The following SNX10 variants were observed in gnomAD, a reference collection of about 807,000 sequenced individuals.
SNX10 encodes the protein sorting nexin-10.
SNX10 carries 25 observed loss-of-function variants against 28.5 expected under a neutral mutation model. The ratio of observed to expected loss-of-function variants is 0.88; its 90% CI spans 0.64 to 1.22. The LOEUF (loss-of-function observed/expected upper bound fraction) is 1.22, where lower values mean the gene tolerates loss of function less well. Among genes scored for constraint, SNX10 ranks in the 50% most tolerant of loss-of-function variants. The probability of loss-of-function intolerance (pLI) is 0.00; values close to 1 mark genes in which losing one functional copy is unlikely to be tolerated. For missense variants in SNX10, 223 were observed against 242.6 expected (o/e 0.92, Z 0.54); for synonymous variants, 62 against 81.4 (o/e 0.76, Z 1.28).
intron 5 of SNX10, among the ~76,000 whole-genome samples, chr7:26,365,753 G>A (rs1789263603): frequency 6.6e-6 from 1 of 152,130 alleles, no homozygotes; most frequent in Non-Finnish European, 1.5e-5. Flanking sequence ...CTGGAATGCT[G>A]GAATACCCAG....
chr7:26,351,715 G>GCTGGA (rs1423658159), intron 2 of SNX10, among the ~76,000 whole-genome samples: 9 of 141,988 alleles, frequency 6.3e-5, no homozygotes. Flanking sequence ...GGAGTGCAGT[G>GCTGGA]GTGCGATCTC....
intron 1 of SNX10, among the ~76,000 whole-genome samples, chr7:26,316,269 A>G (rs1322256746): frequency 1.3e-5 from 2 of 152,074 alleles, no homozygotes; most frequent in Non-Finnish European, 2.9e-5. Flanking sequence ...TTCTTGGTCT[A>G]GCTTAATTAG....
At chr7:26,335,735 CTTTTTT>C (rs57340085) in intron 1 of SNX10, among the ~76,000 whole-genome samples, 23 of 84,274 alleles carry the variant, frequency 2.7e-4, no homozygotes, top group African/African-American at 6.0e-4. Context: ...ATGGAATATT[CTTTTTT>C]TTTTTTTTTT....
intron 1 of SNX10, among the ~76,000 whole-genome samples, chr7:26,315,264 A>G (rs1338306381): frequency 6.6e-6 from 1 of 152,230 alleles, no homozygotes; most frequent in Non-Finnish European, 1.5e-5. Context: ...CTAGATAACT[A>G]TAATGCCATT....
rs57340085 is a variant in SNX10, at chr7:26,335,735, CTT to C, written c.-23-10660_-23-10659del. 2.9e-3 allele frequency among the ~76,000 whole-genome samples: 245 copies of C among 84,216 alleles called. 1 individual carries two copies. Among genetic ancestry groups the C allele is most frequent in the African/African-American group, 9.1e-3 (198 of 21,754 alleles). 55.2% of individuals were successfully genotyped at this position (84,216 alleles called of 152,430 possible). A position where few individuals can be genotyped will look rare whatever the true frequency, so the allele number is the denominator to read the frequency against. On this transcript the variant is annotated intron_variant, in intron 1 of 6. Coordinates refer to ENST00000338523, the MANE Select transcript of SNX10 (RefSeq NM_013322.3). Reference sequence around the variant, plus strand: ...AAAATAACCTCGCAGATGGAATATTCTTTTTTTTTTTTTTTTTTTTTTTTTTG... The same window carrying C: ...AAAATAACCTCGCAGATGGAATATTCTTTTTTTTTTTTTTTTTTTTTTTTG...
At chr7:26,326,051 G>A (rs1203137486) in intron 1 of SNX10, among the ~76,000 whole-genome samples, 2 of 152,098 alleles carry the variant, frequency 1.3e-5, no homozygotes, top group Admixed American at 6.6e-5. Context: ...TTAAAAATAC[G>A]TTATGAATAG....
intron 1 of SNX10, among the ~76,000 whole-genome samples, chr7:26,344,038 G>C (rs1393823477): frequency 3.3e-5 from 5 of 152,048 alleles, no homozygotes; most frequent in Non-Finnish European, 7.4e-5. Context: ...GTGGTGTGAA[G>C]GATGTTCACA....
chr7:26,332,149 A>G (rs2893246), intron 1 of SNX10, among the ~76,000 whole-genome samples: 32,147 of 152,170 alleles, frequency 0.21, 4,113 homozygotes, highest in South Asian at 0.41. Flanking sequence ...TTAATTCTTC[A>G]AGAAACTGCC....
intron 5 of SNX10, among the ~76,000 whole-genome samples, chr7:26,368,272 G>T (rs1309834111): frequency 6.6e-6 from 1 of 152,108 alleles, no homozygotes; most frequent in African/African-American, 2.4e-5. Flanking sequence ...TTTAAAATTA[G>T]CAGTACTCTT....
At chr7:26,333,581 C>G (rs1309045518) in intron 1 of SNX10, among the ~76,000 whole-genome samples, 1 of 151,582 alleles carries the variant, frequency 6.6e-6, no homozygotes, top group Non-Finnish European at 1.5e-5. Context: ...GTCTCGGCCT[C>G]CCAAAGTGCT....
intron 1 of SNX10, among the ~76,000 whole-genome samples, chr7:26,320,811 T>G (rs1167503344): frequency 6.6e-6 from 1 of 152,196 alleles, no homozygotes; most frequent in Non-Finnish European, 1.5e-5. Flanking sequence ...TGTTCAGCCA[T>G]TTGCTGTTTC....
chr7:26,327,131 A>G (rs1465837901), intron 1 of SNX10, among the ~76,000 whole-genome samples: 2 of 151,722 alleles, frequency 1.3e-5, no homozygotes, highest in East Asian at 3.9e-4. Context: ...TTGTATTTTT[A>G]GTAGAGATGG....
At chr7:26,370,271 T>C (rs939826727) in intron 5 of SNX10, 2 of 152,194 alleles carry the variant, frequency 1.3e-5, no homozygotes, top group African/African-American at 4.8e-5. Context: ...AAAACAAGAA[T>C]GGTGAATATT....
chr7:26,308,278 C>T (rs1786674233), intron 1 of SNX10, among the ~76,000 whole-genome samples: 1 of 152,134 alleles, frequency 6.6e-6, no homozygotes. Flanking sequence ...TAAAGAAATT[C>T]TCAGACTTAC....
At chr7:26,355,344 A>G (rs1344042772) in intron 2 of SNX10, among the ~76,000 whole-genome samples, 2 of 152,132 alleles carry the variant, frequency 1.3e-5, no homozygotes, top group Non-Finnish European at 2.9e-5. Context: ...AAGCCCATCT[A>G]TGTCTTCAAA....
In SNX10 at chr7:26,364,722, G is replaced by T. The variant is rs532654079; in HGVS notation, c.212+87G>T. 4 of 930,922 alleles carry T rather than the reference G, an allele frequency of 4.3e-6. No individual in the cohort carries two copies. The Admixed American group carries it at 1.1e-4, about 25-fold the overall frequency. 57.7% of individuals were successfully genotyped at this position (930,922 alleles called of 1,614,324 possible). A position where few individuals can be genotyped will look rare whatever the true frequency, so the allele number is the denominator to read the frequency against. On this transcript the variant is annotated intron_variant, in intron 4 of 6. Transcript: ENST00000338523. This position sits in a 1 kb window ranked among gnomAD's most constrained non-coding sequence, Gnocchi z 4.9. ...TTCATTAAGATATATAAGATATGAA[G>T]GATTTTTATAGGCTTTTGCCTTGAT...
intron 2 of SNX10, among the ~76,000 whole-genome samples, chr7:26,348,905 G>A (rs2128013725): frequency 6.6e-6 from 1 of 152,272 alleles, no homozygotes; most frequent in Admixed American, 6.5e-5. Flanking sequence ...GTGTTGACTG[G>A]CTAACTTCTA....
chr7:26,294,283 T>G (rs1409735463), intron 1 of SNX10, among the ~76,000 whole-genome samples: 1 of 152,190 alleles, frequency 6.6e-6, no homozygotes, highest in East Asian at 1.9e-4. Context: ...AGGTATATAG[T>G]GTAGTGGTTA....
At chr7:26,366,605 C>T (rs1285953149) in intron 5 of SNX10, among the ~76,000 whole-genome samples, 1 of 152,178 alleles carries the variant, frequency 6.6e-6, no homozygotes, top group African/African-American at 2.4e-5. Context: ...TGGCTGATGG[C>T]CTCTCCCTTG....
Sources: gnomAD v4.1 joint callset for allele counts (sites outside exome capture counted in the v4.1 genomes callset) on GRCh38, gnomAD v4.1.1 for gene constraint, Gnocchi (gnomAD v3.1) non-coding constraint, MANE v1.5 for transcripts, NCBI Gene and HGNC (gene_info 2026-07-23, HGNC 2026-07-21) for gene names.